The following DAB2 variants were observed in gnomAD, a reference collection of about 807,000 sequenced individuals.
The protein encoded by DAB2 is DAB adaptor protein 2.
DAB2 carries 28 observed loss-of-function variants against 71.6 expected under a neutral mutation model. That is an observed-to-expected ratio of 0.39 (90% CI 0.29 to 0.54). The LOEUF is 0.54. Among genes scored for constraint, DAB2 ranks in the 20% least tolerant of loss-of-function variants. The pLI is 0.68. For synonymous variants in DAB2, 345 were observed against 339.7 expected (o/e 1.02, Z -0.17); for missense variants, 867 against 928.8 (o/e 0.93, Z 0.86).
At chr5:39,423,431 G>A (rs2112121911) in intron 1 of DAB2, among the ~76,000 whole-genome samples, 2 of 32,006 alleles carry the variant, frequency 6.2e-5, no homozygotes, top group South Asian at 1.7e-3. Context: ...CCTGGAGTGG[G>A]CGGGGCACCT....
intron 1 of DAB2, among the ~76,000 whole-genome samples, chr5:39,405,096 TG>T (rs1172520136): frequency 6.6e-6 from 1 of 152,242 alleles, no homozygotes; most frequent in African/African-American, 2.4e-5. Flanking sequence ...TCGGCAAAGC[TG>T]GGTGTAAGTT....
In DAB2 at chr5:39,384,167, T is replaced by A. The variant is rs1755043495; in HGVS notation, c.688-896A>T. 3.9e-5 allele frequency among the ~76,000 whole-genome samples: 6 copies of A among 152,344 alleles called. No individual in the cohort carries two copies. In the South Asian group the frequency reaches 1.0e-3, roughly 26 times the overall value. On this transcript the variant is annotated intron_variant, in intron 9 of 14. Coordinates refer to ENST00000320816, the MANE Select transcript of DAB2 (RefSeq NM_001343.4). ...TTAGTGGTTAAAGTCAACCAACAAC[T>A]GATCTTTAATTTATATACAGTAGTC...
At position 39,377,063 on chromosome 5, in the gene DAB2, G is replaced by A; in HGVS notation, c.1724C>T (p.Pro575Leu). 1 of 1,614,156 alleles carries A rather than the reference G, an allele frequency of 6.2e-7. No homozygotes were observed. Among genetic ancestry groups the A allele is most frequent in the Non-Finnish European group, 8.5e-7 (1 of 1,180,016 alleles). ...TPPPVPVVWG[P>L]SASVAPNAWS... is the part of the protein sequence containing the mutation. ...AGCATTGGGTGCCACAGATGCAGAA[G>A]GGCCCCAGACAACAGGCACTGGAGG... Residue 575 changes from proline to leucine, a missense_variant, in exon 12 of 15, where the codon CCT becomes CTT. Around this residue, in one of 2 missense-constraint regions of DAB2, gnomAD observed 740 missense variants for 734.3 expected, o/e 1.01. Coordinates refer to ENST00000320816, the MANE Select transcript of DAB2 (RefSeq NM_001343.4).
chr5:39,420,489 C>T (rs1193149326), intron 1 of DAB2, among the ~76,000 whole-genome samples: 1 of 152,124 alleles, frequency 6.6e-6, no homozygotes, highest in African/African-American at 2.4e-5. Context: ...CATTGTTTAC[C>T]TTCAACGTAA....
chr5:39,378,414 G>C (rs1055638594), intron 11 of DAB2, among the ~76,000 whole-genome samples: 1 of 152,222 alleles, frequency 6.6e-6, no homozygotes, highest in African/African-American at 2.4e-5. Flanking sequence ...TTGGTGCATG[G>C]CATTCTTTAG....
At chr5:39,383,383 T>C (rs761397103) in intron 9 of DAB2, 112 bp from the exon 10 acceptor site, 21 of 922,890 alleles carry the variant, frequency 2.3e-5, no homozygotes, top group Non-Finnish European at 3.4e-5. Flanking sequence ...GAATTTGGTC[T>C]TGATAAATCG....
At chr5:39,385,971 G>A (rs1755091100) in intron 9 of DAB2, among the ~76,000 whole-genome samples, 1 of 152,056 alleles carries the variant, frequency 6.6e-6, no homozygotes, top group South Asian at 2.1e-4. Flanking sequence ...CTTGCCCTGT[G>A]CCCACCCGTG....
intron 1 of DAB2, among the ~76,000 whole-genome samples, chr5:39,411,901 G>A (rs1755741592): frequency 6.6e-6 from 1 of 151,994 alleles, no homozygotes; most frequent in South Asian, 2.1e-4. Flanking sequence ...AGAAGCATAT[G>A]AACAATTAGT....
chr5:39,410,144 G>A (rs61357745), intron 1 of DAB2, among the ~76,000 whole-genome samples: 4,219 of 152,170 alleles, frequency 0.028, 109 homozygotes, highest in African/African-American at 0.066. Flanking sequence ...AATAAACTTT[G>A]TATGAGTTGC....
rs372468892 is a variant in DAB2, at chr5:39,393,315, A to G, written c.170T>C (p.Ile57Thr). 19 of 1,613,838 alleles carry G rather than the reference A, an allele frequency of 1.2e-5. No homozygotes were observed. The highest frequency in any genetic ancestry group is 1.5e-5 in the Non-Finnish European group (18 of 1,179,860). The change falls in exon 3 of 15, where the codon ATT (isoleucine) becomes ACT (threonine). Residue 57 changes from isoleucine (I) to threonine (T), a missense_variant. By Grantham distance (89) the Ile-to-Thr change is moderately conservative (BLOSUM62 -1). Coordinates refer to ENST00000320816, the MANE Select transcript of DAB2 (RefSeq NM_001343.4). The part of the protein sequence containing the change: ...GVKYKAKLIG[I>T]DDVPDARGDK... ...CCCTCTTGCATCTGGCACATCATCAATGCCAATCAGCTTGGCCTTATATTT... is the reference window on the plus strand; with the variant it reads ...CCCTCTTGCATCTGGCACATCATCAGTGCCAATCAGCTTGGCCTTATATTT...
At chr5:39,401,730 G>GTTATTTATTTATTTAT (rs55909785) in intron 1 of DAB2, among the ~76,000 whole-genome samples, 6,355 of 141,204 alleles carry the variant, frequency 0.045, 289 homozygotes, top group African/African-American at 0.099. Flanking sequence ...CTGAGACTGG[G>GTTATTTATTTATTTAT]TTATTTATTT....
At chr5:39,417,336 T>C (rs1755871614) in intron 1 of DAB2, 1 of 152,062 alleles carries the variant, frequency 6.6e-6, no homozygotes, top group Non-Finnish European at 1.5e-5. Flanking sequence ...CTGACATCCA[T>C]GGCTCAGTAT....
chr5:39,393,026 G>T (rs1755272714), intron 3 of DAB2, among the ~76,000 whole-genome samples: 1 of 152,268 alleles, frequency 6.6e-6, no homozygotes, highest in Middle Eastern at 3.4e-3. Flanking sequence ...TTGCCAGAAG[G>T]AAAAGGCATC....
intron 9 of DAB2, among the ~76,000 whole-genome samples, chr5:39,384,761 C>T (rs1268806138): frequency 1.3e-5 from 2 of 151,890 alleles, no homozygotes; most frequent in African/African-American, 2.4e-5. Context: ...CTTCCTTCTG[C>T]TTGACTTTGA....
At chr5:39,386,493 A>G (rs960594848) in intron 9 of DAB2, among the ~76,000 whole-genome samples, 1 of 152,200 alleles carries the variant, frequency 6.6e-6, no homozygotes, top group East Asian at 1.9e-4. Context: ...CCTAACCAGC[A>G]CATAATTAGA....
In DAB2 at chr5:39,372,121, T is replaced by TAAACA. The variant is rs1754713532; in HGVS notation, c.*1305_*1309dup. ...AAGAGACAACATTAAAAACCCAACA[T>TAAACA]AAACAAAACAAAACAAAACTTATTT... On this transcript the variant is annotated 3_prime_UTR_variant, in exon 15 of 15. Coordinates refer to ENST00000320816, the MANE Select transcript of DAB2 (RefSeq NM_001343.4). 2.6e-5 allele frequency: 4 copies of TAAACA among 152,074 alleles called. No individual in the cohort carries two copies. The highest frequency in any genetic ancestry group is 2.0e-4 in the Admixed American group (3 of 15,254). The allele number at this position is 152,074 out of a possible 1,614,324, so 9.4% of individuals were successfully genotyped here. A position where few individuals can be genotyped will look rare whatever the true frequency, so the allele number is the denominator to read the frequency against.
At chr5:39,388,975 T>C (rs1272162542) in intron 7 of DAB2, 122 bp downstream of exon 7, 11 of 1,313,552 alleles carry the variant, frequency 8.4e-6, no homozygotes, top group African/African-American at 2.9e-5. Flanking sequence ...ACATCTTTCA[T>C]GATCAGAGAA....
At chr5:39,413,616 A>G (rs557482722) in intron 1 of DAB2, among the ~76,000 whole-genome samples, 2 of 152,234 alleles carry the variant, frequency 1.3e-5, no homozygotes, top group African/African-American at 4.8e-5. Flanking sequence ...ATTTTTCCCA[A>G]TTTATATATG....
At chr5:39,390,359 C>A in intron 5 of DAB2, 85 bp downstream of exon 5, 2 of 1,461,740 alleles carry the variant, frequency 1.4e-6, no homozygotes, top group Non-Finnish European at 1.8e-6. Flanking sequence ...CCAATTATTT[C>A]CAGTAAATCT....
Sources: gnomAD v4.1 joint callset for allele counts (sites outside exome capture counted in the v4.1 genomes callset) on GRCh38, gnomAD v4.1.1 for gene constraint, gnomAD v4.1.1 regional missense constraint, MANE v1.5 for transcripts, NCBI Gene and HGNC (gene_info 2026-07-23, HGNC 2026-07-21) for gene names.